TMEM161B: variants seen among roughly 807,000 people sequenced by gnomAD.
The protein encoded by TMEM161B is transmembrane protein 161B.
TMEM161B carries 34 observed loss-of-function variants against 61.8 expected under a neutral mutation model. The ratio of observed to expected loss-of-function variants is 0.55; its 90% CI spans 0.42 to 0.73. The LOEUF (loss-of-function observed/expected upper bound fraction) is 0.73, where lower values mean the gene tolerates loss of function less well. Ranked by LOEUF, TMEM161B falls within the 30% of genes least tolerant of loss-of-function variation. TMEM161B has a pLI of 0.00. For missense variants in TMEM161B, 456 were observed against 558.5 expected (o/e 0.82, Z 1.85); for synonymous variants, 167 against 192.8 (o/e 0.87, Z 1.11).
At chr5:88,200,601 A>C (rs1292612598) in intron 9 of TMEM161B, 4 of 152,138 alleles carry the variant, frequency 2.6e-5, no homozygotes, top group African/African-American at 9.7e-5. Flanking sequence ...TTAGGATAAT[A>C]GTCATTAAAT....
intron 1 of TMEM161B, among the ~76,000 whole-genome samples, chr5:88,257,485 T>C (rs1755134237): frequency 1.3e-5 from 2 of 152,300 alleles, no homozygotes; most frequent in South Asian, 4.1e-4. Flanking sequence ...CATTAAATAA[T>C]TAAACACACT....
At position 88,220,622 on chromosome 5, in the gene TMEM161B, C is replaced by A; in HGVS notation, c.387G>T (p.Lys129Asn). 6.3e-7 allele frequency: 1 copy of A among 1,586,014 alleles called. No homozygotes were observed. The highest frequency in any genetic ancestry group is 8.6e-7 in the Non-Finnish European group (1 of 1,167,760). The change falls in exon 5 of 12, where the codon AAG becomes AAT. Residue 129 changes from lysine (K) to asparagine (N), a missense_variant. Physicochemically the swap from Lys to Asn is moderately conservative, Grantham distance 94. This residue lies in a region of TMEM161B where 367 missense variants were observed against 427.3 expected (regional missense o/e 0.86). Transcript: ENST00000296595. ...AGCTGATATTCATTTCCTGTGTAGGCTTCATAAAATTGTAGTAGACTTCAG... is the reference window on the plus strand; with the variant it reads ...AGCTGATATTCATTTCCTGTGTAGGATTCATAAAATTGTAGTAGACTTCAG... ...LVTEVYYNFM[K>N]PTQEMNISLV... is the part of the protein sequence containing the mutation.
chr5:88,220,353 G>A (rs1017231775), intron 5 of TMEM161B, among the ~76,000 whole-genome samples: 4 of 151,862 alleles, frequency 2.6e-5, no homozygotes, highest in African/African-American at 7.2e-5. Flanking sequence ...ATTAGACTTG[G>A]ATAAGAAAAA....
At chr5:88,228,122 AC>A (rs971455436) in intron 3 of TMEM161B, among the ~76,000 whole-genome samples, 3 of 152,116 alleles carry the variant, frequency 2.0e-5, no homozygotes, top group Non-Finnish European at 4.4e-5. Flanking sequence ...CTGGAAAATA[AC>A]CCAAACCAAC....
intron 5 of TMEM161B, among the ~76,000 whole-genome samples, chr5:88,217,527 A>G (rs1029751791): frequency 4.6e-5 from 7 of 151,546 alleles, no homozygotes; most frequent in African/African-American, 7.3e-5. Context: ...CACTAGGGTA[A>G]AAGTGCTGGT....
intron 1 of TMEM161B, among the ~76,000 whole-genome samples, chr5:88,259,804 C>T (rs1195143727): frequency 6.6e-6 from 1 of 152,154 alleles, no homozygotes; most frequent in African/African-American, 2.4e-5. Context: ...CTAAAAATAT[C>T]GTTACTAATT....
At position 88,263,120 on chromosome 5, in the gene TMEM161B, T is replaced by G. The variant is rs186924816; in HGVS notation, c.3+5601A>C. On this transcript the variant is annotated intron_variant, in intron 1 of 11. Coordinates refer to ENST00000296595, the MANE Select transcript of TMEM161B (RefSeq NM_153354.5). Reference sequence around the variant, plus strand: ...TAGATACACTGTACTACAATAATTTTACAGGAGCAGTTAATAAATATGGGT... The same window carrying G: ...TAGATACACTGTACTACAATAATTTGACAGGAGCAGTTAATAAATATGGGT... Among the ~76,000 whole-genome samples, 195 of 152,278 alleles carry G rather than the reference T, an allele frequency of 1.3e-3. 1 individual carries two copies. The highest frequency in any genetic ancestry group is 5.7e-3 in the Admixed American group (87 of 15,296).
At chr5:88,230,842 G>A (rs1306637437) in intron 2 of TMEM161B, among the ~76,000 whole-genome samples, 1 of 152,100 alleles carries the variant, frequency 6.6e-6, no homozygotes, top group East Asian at 1.9e-4. Context: ...TGCTAATGAG[G>A]TAGGTCAAGG....
intron 5 of TMEM161B, among the ~76,000 whole-genome samples, chr5:88,219,713 T>C (rs992886348): frequency 2.6e-5 from 4 of 152,182 alleles, no homozygotes; most frequent in Admixed American, 6.5e-5. Flanking sequence ...CTTAGAATTT[T>C]CTACTGAGCC....
chr5:88,242,956 A>G (rs989087812), intron 1 of TMEM161B, among the ~76,000 whole-genome samples: 3 of 151,846 alleles, frequency 2.0e-5, no homozygotes, highest in Non-Finnish European at 2.9e-5. Context: ...TAATTTACTT[A>G]TTGGATATTA....
chr5:88,248,076 T>C (rs1283954297), intron 1 of TMEM161B, among the ~76,000 whole-genome samples: 1 of 152,140 alleles, frequency 6.6e-6, no homozygotes, highest in Non-Finnish European at 1.5e-5. Flanking sequence ...GACTGAAGTT[T>C]TGAGAATCAT....
intron 1 of TMEM161B, among the ~76,000 whole-genome samples, chr5:88,267,416 C>T (rs947509721): frequency 6.6e-6 from 1 of 151,978 alleles, no homozygotes; most frequent in African/African-American, 2.4e-5. Flanking sequence ...TTTTGAAGGT[C>T]TTTGTTCTAC....
chr5:88,263,227 A>G (rs1755911564), intron 1 of TMEM161B, among the ~76,000 whole-genome samples: 1 of 152,170 alleles, frequency 6.6e-6, no homozygotes, highest in African/African-American at 2.4e-5. Context: ...TACATGCCCT[A>G]TCTAAAACAG....
intron 4 of TMEM161B, among the ~76,000 whole-genome samples, chr5:88,222,061 T>C (rs357512): frequency 0.76 from 115,996 of 152,034 alleles, 44,401 homozygotes; most frequent in South Asian, 0.86. Flanking sequence ...TATTTTAACA[T>C]TCTTAATCTG....
intron 3 of TMEM161B, among the ~76,000 whole-genome samples, chr5:88,227,133 T>C (rs1750193091): frequency 1.3e-5 from 2 of 152,144 alleles, no homozygotes; most frequent in Admixed American, 1.3e-4. Flanking sequence ...GAAGCCACAG[T>C]GAGCCAGAAT....
In TMEM161B at chr5:88,196,216, CCA is replaced by C; in HGVS notation, c.1457_1458del (p.Val486GlyfsTer6). The C allele has an allele frequency of 6.2e-7, 1 of 1,602,300 alleles. No homozygotes were observed. Among genetic ancestry groups the C allele is most frequent in the Non-Finnish European group, 8.5e-7 (1 of 1,175,402 alleles). Reference protein sequence around the residue: ...FGLFYHQYLTVA With the variant: ...FGLFYHQYLTXA ...GCTTTTTTGTTAACTGAGATTCATGCCACAGTCAGATACTGGTGATAGAAAAG... is the reference window on the plus strand; with the variant it reads ...GCTTTTTTGTTAACTGAGATTCATGCCAGTCAGATACTGGTGATAGAAAAG... On this transcript the variant is annotated frameshift_variant, in exon 12 of 12. Transcript: ENST00000296595. LOFTEE classifies it high-confidence loss of function.
In TMEM161B at chr5:88,232,774, C is replaced by T. The variant is rs150122221; in HGVS notation, c.108-4246G>A. Among the ~76,000 whole-genome samples, 802 of 152,272 alleles carry T rather than the reference C, an allele frequency of 5.3e-3. 4 individuals are homozygous for T. Among genetic ancestry groups the T allele is most frequent in the African/African-American group, 0.018 (757 of 41,568 alleles). On this transcript the variant is annotated intron_variant, in intron 2 of 11. Coordinates refer to ENST00000296595, the MANE Select transcript of TMEM161B (RefSeq NM_153354.5). ...ATTTTTTAGTAGAAATGGGGTTTCACCGTGTTAGCCAGGATGGTCTCCACC... is the reference window on the plus strand; with the variant it reads ...ATTTTTTAGTAGAAATGGGGTTTCATCGTGTTAGCCAGGATGGTCTCCACC...
chr5:88,213,315 T>C (rs916150643), intron 5 of TMEM161B, among the ~76,000 whole-genome samples: 2 of 152,010 alleles, frequency 1.3e-5, no homozygotes, highest in Non-Finnish European at 2.9e-5. Flanking sequence ...TTAAAAAAAA[T>C]TTTTTAACAA....
At chr5:88,187,218 GTTTGTC>G (rs1219115833), downstream of TMEM161B, among the ~76,000 whole-genome samples, 1 of 152,090 alleles carries the variant, frequency 6.6e-6, no homozygotes, top group Admixed American at 6.5e-5. Flanking sequence ...TGATCCATTT[GTTTGTC>G]TTTATGGCAG....
Sources: allele counts gnomAD v4.1 joint callset (sites outside exome capture counted in the v4.1 genomes callset), GRCh38; gene constraint gnomAD v4.1.1; regional missense constraint gnomAD v4.1.1; transcripts MANE v1.5; gene names NCBI Gene and HGNC (gene_info 2026-07-23, HGNC 2026-07-21).